Variants in CRPPA observed in about 807,000 individuals in gnomAD.
CRPPA encodes D-ribitol-5-phosphate cytidylyltransferase.
Under a neutral mutation model 52.0 loss-of-function variants are expected in CRPPA, and 43 were observed. That is an observed-to-expected ratio of 0.83 (90% CI 0.65 to 1.07). CRPPA has a LOEUF of 1.07. Ranked by LOEUF, CRPPA falls within the 50% of genes least tolerant of loss-of-function variation. CRPPA has a pLI of 0.00. For synonymous variants in CRPPA, 250 were observed against 203.5 expected, an observed-to-expected ratio of 1.23 and a Z score of -1.94; for missense variants, 629 against 551.7, an observed-to-expected ratio of 1.14 and a Z score of -1.40.
chr7:16,250,577 C>T (rs563967302), intron 8 of CRPPA, among the ~76,000 whole-genome samples: 1 of 152,260 alleles, frequency 6.6e-6, no homozygotes, highest in African/African-American at 2.4e-5. Flanking sequence ...ATTCAACATT[C>T]TTAAAGAAAA....
chr7:16,143,467 C>G (rs760539275), intron 9 of CRPPA, among the ~76,000 whole-genome samples: 5 of 152,092 alleles, frequency 3.3e-5, no homozygotes, highest in African/African-American at 1.2e-4. Context: ...CCATAGAGAC[C>G]AGTTTATGAT....
chr7:16,253,812 G>T lies in CRPPA; in HGVS notation c.1119+4578C>A, dbSNP rs923237623. ...AGAGTGAACAGGCAACCTACAGAAC[G>T]GGAGAAAATTTTTGCAATCTACCCA... is the stretch of plus-strand genomic sequence containing the variant. On this transcript the variant is annotated intron_variant, in intron 8 of 9. Coordinates refer to ENST00000407010, the MANE Select transcript of CRPPA (RefSeq NM_001101426.4). 5.3e-5 allele frequency among the ~76,000 whole-genome samples: 8 copies of T among 152,174 alleles called. No individual in the cohort carries two copies. In the East Asian group the frequency reaches 1.5e-3, roughly 29 times the overall value.
intron 3 of CRPPA, among the ~76,000 whole-genome samples, chr7:16,313,055 T>C (rs193189662): frequency 6.2e-4 from 95 of 152,018 alleles, no homozygotes; most frequent in Non-Finnish European, 1.2e-3. Flanking sequence ...TTTTGTATGG[T>C]TTATTGAATT....
intron 3 of CRPPA, among the ~76,000 whole-genome samples, chr7:16,352,016 A>G (rs1261701227): frequency 1.3e-5 from 2 of 152,200 alleles, no homozygotes; most frequent in African/African-American, 4.8e-5. Flanking sequence ...ACCAACCCAA[A>G]TGCCCATCAA....
At position 16,132,845 on chromosome 7, in the gene CRPPA, G is replaced by A. The variant is rs1294729782; in HGVS notation, c.1252-41046C>T. Among the ~76,000 whole-genome samples the A allele has an allele frequency of 2.4e-5, 3 of 124,018 alleles. 1 individual carries two copies. The highest frequency in any genetic ancestry group is 7.8e-5 in the African/African-American group (3 of 38,236). 81.4% of individuals were successfully genotyped at this position (124,018 alleles called of 152,430 possible). ...TTCATCATTTACTATAATAAAATAT[G>A]CCCAAATCTATTGTAAAAAGTTAAT... On this transcript the variant is annotated intron_variant, in intron 9 of 9. Transcript: ENST00000407010.
At chr7:16,237,657 C>T (rs1245725133) in intron 8 of CRPPA, among the ~76,000 whole-genome samples, 3 of 152,292 alleles carry the variant, frequency 2.0e-5, no homozygotes, top group East Asian at 3.9e-4. Flanking sequence ...AATTTTTCTG[C>T]TTATTTTAAT....
At position 16,202,094 on chromosome 7, in the gene CRPPA, T is replaced by C. The variant is rs143981386; in HGVS notation, c.1251+13972A>G. Among the ~76,000 whole-genome samples, 1,017 of 152,304 alleles carry C rather than the reference T, an allele frequency of 6.7e-3. 13 individuals are homozygous for C. The highest frequency in any genetic ancestry group is 0.023 in the African/African-American group (973 of 41,586). On this transcript the variant is annotated intron_variant, in intron 9 of 9. Transcript: ENST00000407010. ...TTTAATCACATCTCCTCTCCAACTA[T>C]AGAGATGATGTCACTAGCTTTTAAT... is the stretch of plus-strand genomic sequence containing the variant.
intron 9 of CRPPA, among the ~76,000 whole-genome samples, chr7:16,124,737 T>C (rs1347811758): frequency 3.3e-5 from 5 of 152,256 alleles, no homozygotes; most frequent in Admixed American, 6.5e-5. Flanking sequence ...CACAAAAAAA[T>C]GATACATGTT....
rs112864453 is a variant in CRPPA at position 16,167,880 on chromosome 7, T to C, written c.1251+48186A>G. Among the ~76,000 whole-genome samples the C allele has an allele frequency of 3.1e-3, 471 of 152,346 alleles. 3 individuals carry two copies. Among genetic ancestry groups the C allele is most frequent in the African/African-American group, 0.011 (444 of 41,584 alleles). ...ACCCTATTTATCTAATGAACTTCTTTCCTAGTAGAGACTGTAACATGCTAG... is the reference window on the plus strand; with the variant it reads ...ACCCTATTTATCTAATGAACTTCTTCCCTAGTAGAGACTGTAACATGCTAG... On this transcript the variant is annotated intron_variant, in intron 9 of 9. Coordinates refer to ENST00000407010, the MANE Select transcript of CRPPA (RefSeq NM_001101426.4).
chr7:16,252,378 A>C (rs1460180280), intron 8 of CRPPA, among the ~76,000 whole-genome samples: 1 of 152,188 alleles, frequency 6.6e-6, no homozygotes. Context: ...ACTCTCAATA[A>C]ACTAAGTATT....
At chr7:16,107,202 C>T (rs1378163261) in intron 9 of CRPPA, among the ~76,000 whole-genome samples, 5 of 151,908 alleles carry the variant, frequency 3.3e-5, no homozygotes, top group Admixed American at 2.6e-4. Context: ...AAAACAAAAA[C>T]ATCTTCAAAG....
chr7:16,303,752 C>T (rs935741116), intron 4 of CRPPA, among the ~76,000 whole-genome samples: 1 of 152,012 alleles, frequency 6.6e-6, no homozygotes, highest in Non-Finnish European at 1.5e-5. Context: ...ACAATGTCAC[C>T]ATATTGTGTT....
chr7:16,322,777 G>C (rs182652600), intron 3 of CRPPA, among the ~76,000 whole-genome samples: 150 of 152,246 alleles, frequency 9.9e-4, no homozygotes, highest in Middle Eastern at 6.8e-3. Flanking sequence ...ATAGTGAACA[G>C]TGTATCAGTC....
In CRPPA at chr7:16,277,142, A is replaced by G. The variant is rs1284471905; in HGVS notation, c.933+987T>C. 2.0e-5 allele frequency: 3 copies of G among 152,164 alleles called. No individual in the cohort carries two copies. In the East Asian group the frequency reaches 5.8e-4, roughly 29 times the overall value. 9.4% of individuals were successfully genotyped at this position (152,164 alleles called of 1,614,324 possible). A position where few individuals can be genotyped will look rare whatever the true frequency, so the allele number is the denominator to read the frequency against. On this transcript the variant is annotated intron_variant, in intron 6 of 9. Coordinates refer to ENST00000407010, the MANE Select transcript of CRPPA (RefSeq NM_001101426.4). Reference sequence around the variant, plus strand: ...TAGATGTTATTAACAGTTTCAATTTACAGATAAGGAAATTAGGAAACAGAG... The same window carrying G: ...TAGATGTTATTAACAGTTTCAATTTGCAGATAAGGAAATTAGGAAACAGAG...
intron 6 of CRPPA, among the ~76,000 whole-genome samples, chr7:16,272,789 C>T (rs1357622750): frequency 6.6e-6 from 1 of 152,206 alleles, no homozygotes; most frequent in South Asian, 2.1e-4. Flanking sequence ...TTAGTAGAGA[C>T]CATTTTGAAT....
intron 9 of CRPPA, among the ~76,000 whole-genome samples, chr7:16,170,894 C>T (rs370283745): frequency 4.6e-5 from 7 of 152,238 alleles, no homozygotes; most frequent in South Asian, 4.1e-4. Context: ...CAGGCCCACC[C>T]GGAACTTGCA....
At chr7:16,319,755 C>G (rs1467900345) in intron 3 of CRPPA, among the ~76,000 whole-genome samples, 1 of 152,118 alleles carries the variant, frequency 6.6e-6, no homozygotes, top group Non-Finnish European at 1.5e-5. Context: ...GTCACTGTTT[C>G]TGGCAACACA....
intron 1 of CRPPA, among the ~76,000 whole-genome samples, chr7:16,414,085 C>T (rs1226892523): frequency 2.6e-5 from 4 of 152,114 alleles, no homozygotes; most frequent in African/African-American, 9.7e-5. Context: ...CGAGTTATAA[C>T]AAACTTTGAC....
chr7:16,296,628 C>G (rs543513520), intron 5 of CRPPA, among the ~76,000 whole-genome samples: 3 of 151,474 alleles, frequency 2.0e-5, no homozygotes, highest in African/African-American at 7.3e-5. Flanking sequence ...CATCACAGAA[C>G]AAAAAAAGTT....
Sources: gnomAD v4.1 joint callset for allele counts (sites outside exome capture counted in the v4.1 genomes callset) on GRCh38, gnomAD v4.1.1 for gene constraint, MANE v1.5 for transcripts, NCBI Gene and HGNC (gene_info 2026-07-23, HGNC 2026-07-21) for gene names.